Variants in PPP1R12B observed in about 807,000 individuals in gnomAD.
PPP1R12B encodes myosin phosphatase target subunit 2.
In PPP1R12B, 76 loss-of-function variants were observed where a neutral mutation model predicts 126.1. That is an observed-to-expected ratio of 0.60 (90% CI 0.50 to 0.73). The LOEUF (loss-of-function observed/expected upper bound fraction) is 0.73. Ranked by LOEUF, PPP1R12B falls within the 30% of genes least tolerant of loss-of-function variation. The probability of loss-of-function intolerance (pLI) is 0.00; values close to 1 mark genes in which losing one functional copy is unlikely to be tolerated. For synonymous variants in PPP1R12B, 356 were observed against 434.7 expected (o/e 0.82, Z 2.25); for missense variants, 1,052 against 1,205.1 (o/e 0.87, Z 1.88).
At chr1:202,456,874 G>A (rs1251564900) in intron 13 of PPP1R12B, among the ~76,000 whole-genome samples, 1 of 152,164 alleles carries the variant, frequency 6.6e-6, no homozygotes, top group Non-Finnish European at 1.5e-5. Context: ...ACTGTAAACT[G>A]TAAAAACAGT....
intron 1 of PPP1R12B, among the ~76,000 whole-genome samples, chr1:202,353,470 G>A (rs1348957580): frequency 1.3e-5 from 2 of 150,558 alleles, no homozygotes; most frequent in Non-Finnish European, 2.9e-5. Flanking sequence ...GACTATGTTG[G>A]ACCTCAAAGC....
At chr1:202,427,014 T>C (rs1367836031) in intron 4 of PPP1R12B, 26 bp from the exon 5 acceptor site, 3 of 1,604,646 alleles carry the variant, frequency 1.9e-6, no homozygotes, top group Non-Finnish European at 2.5e-6. Context: ...AGAAGATATA[T>C]GTCTTGTTTT....
At chr1:202,442,351 T>C in intron 11 of PPP1R12B, 96 bp from the exon 12 acceptor site, 2 of 1,367,448 alleles carry the variant, frequency 1.5e-6, no homozygotes, top group Non-Finnish European at 2.0e-6. Context: ...AGCCATGTTA[T>C]AGTTTGCCTG....
intron 1 of PPP1R12B, among the ~76,000 whole-genome samples, chr1:202,379,289 A>G (rs947024398): frequency 6.6e-6 from 1 of 152,322 alleles, no homozygotes; most frequent in Non-Finnish European, 1.5e-5. Context: ...TTGATTCCCA[A>G]TTGACTGCAT....
At chr1:202,567,173 G>A (rs951412917) in intron 21 of PPP1R12B, among the ~76,000 whole-genome samples, 4 of 152,078 alleles carry the variant, frequency 2.6e-5, no homozygotes, top group Non-Finnish European at 5.9e-5. Context: ...GATGAAAGTG[G>A]ACTACCTCTG....
At chr1:202,543,313 C>T (rs1685305179) in intron 18 of PPP1R12B, among the ~76,000 whole-genome samples, 1 of 152,040 alleles carries the variant, frequency 6.6e-6, no homozygotes, top group Non-Finnish European at 1.5e-5. Context: ...AAAAATCACT[C>T]ATATATAGAA....
chr1:202,559,686 T>A (rs746135560), intron 19 of PPP1R12B, among the ~76,000 whole-genome samples: 1 of 152,238 alleles, frequency 6.6e-6, no homozygotes, highest in African/African-American at 2.4e-5. Context: ...ATGAGTTTCC[T>A]TATAATTTGT....
chr1:202,530,443 T>C (rs1683814092), intron 18 of PPP1R12B, among the ~76,000 whole-genome samples: 1 of 152,218 alleles, frequency 6.6e-6, no homozygotes, highest in Non-Finnish European at 1.5e-5. Context: ...TAAAAAGAGA[T>C]AGGTTTTCAT....
intron 19 of PPP1R12B, among the ~76,000 whole-genome samples, chr1:202,561,830 T>G (rs1220766496): frequency 6.6e-6 from 1 of 152,212 alleles, no homozygotes; most frequent in East Asian, 1.9e-4. Flanking sequence ...TCCTTATTGC[T>G]TCTCTATCTC....
At chr1:202,460,867 A>G (rs1414298406) in intron 13 of PPP1R12B, among the ~76,000 whole-genome samples, 1 of 152,248 alleles carries the variant, frequency 6.6e-6, no homozygotes, top group Non-Finnish European at 1.5e-5. Flanking sequence ...GCAAAATGAC[A>G]AGAGGCTTCA....
chr1:202,547,013 T>C (rs1685716716), intron 18 of PPP1R12B, among the ~76,000 whole-genome samples: 2 of 147,136 alleles, frequency 1.4e-5, no homozygotes, highest in African/African-American at 4.9e-5. Flanking sequence ...GTCAAACTTA[T>C]GTTACGGTGA....
chr1:202,505,530 A>G (rs1680710914), intron 18 of PPP1R12B, among the ~76,000 whole-genome samples: 1 of 151,990 alleles, frequency 6.6e-6, no homozygotes, highest in Non-Finnish European at 1.5e-5. Context: ...ACTCTCCACC[A>G]CCAGTCAGTA....
At chr1:202,351,833 C>T (rs1027062789) in intron 1 of PPP1R12B, among the ~76,000 whole-genome samples, 6 of 152,310 alleles carry the variant, frequency 3.9e-5, no homozygotes, top group Middle Eastern at 3.4e-3. Context: ...TTTTCTCCTC[C>T]TACAACGTCA....
At chr1:202,579,338 T>TG (rs1208921668) in intron 23 of PPP1R12B, among the ~76,000 whole-genome samples, 2 of 152,228 alleles carry the variant, frequency 1.3e-5, no homozygotes, top group Non-Finnish European at 2.9e-5. Context: ...CACCCTTTAC[T>TG]GGGGGCATTA....
intron 1 of PPP1R12B, among the ~76,000 whole-genome samples, chr1:202,365,576 A>G (rs933740794): frequency 2.0e-5 from 3 of 152,224 alleles, no homozygotes; most frequent in Admixed American, 6.5e-5. Context: ...AGAAGAATCA[A>G]AGAAGGTAAT....
intron 13 of PPP1R12B, among the ~76,000 whole-genome samples, chr1:202,480,457 G>A (rs929042285): frequency 2.0e-5 from 3 of 152,136 alleles, no homozygotes; most frequent in Non-Finnish European, 2.9e-5. Context: ...ACAGAACACC[G>A]TTTTTACTTC....
At chr1:202,424,679 G>A (rs1317561426) in intron 3 of PPP1R12B, among the ~76,000 whole-genome samples, 1 of 152,092 alleles carries the variant, frequency 6.6e-6, no homozygotes, top group African/African-American at 2.4e-5. Context: ...GCTAATGAGT[G>A]TAAAACTTTT....
intron 19 of PPP1R12B, among the ~76,000 whole-genome samples, chr1:202,559,249 A>G (rs1403041630): frequency 6.6e-6 from 1 of 152,200 alleles, no homozygotes; most frequent in Admixed American, 6.5e-5. Context: ...GCCAGTAGAG[A>G]GACAGATCAT....
intron 18 of PPP1R12B, among the ~76,000 whole-genome samples, chr1:202,534,873 A>G (rs899148456): frequency 3.3e-5 from 5 of 152,234 alleles, no homozygotes; most frequent in African/African-American, 1.2e-4. Flanking sequence ...ATCACAAGGA[A>G]AATAAATGCA....
Sources: gnomAD v4.1 joint callset for allele counts (sites outside exome capture counted in the v4.1 genomes callset) on GRCh38, gnomAD v4.1.1 for gene constraint, MANE v1.5 for transcripts, NCBI Gene and HGNC (gene_info 2026-07-23, HGNC 2026-07-21) for gene names.